Variants in PRSS55 observed in about 807,000 individuals in gnomAD.
The protein encoded by PRSS55 is probable serine protease UNQ9391/PRO34284.
PRSS55 carries 41 observed loss-of-function variants against 23.6 expected under a neutral mutation model. The observed-to-expected ratio is 1.74, with a 90% confidence interval of 1.35 to 2.26. The LOEUF (loss-of-function observed/expected upper bound fraction) is 2.26. Among genes scored for constraint, PRSS55 ranks in the 30% most tolerant of loss-of-function variants. The probability of loss-of-function intolerance (pLI) is 0.00; values close to 1 mark genes in which losing one functional copy is unlikely to be tolerated. For missense variants in PRSS55, 669 were observed against 439.1 expected (o/e 1.52, Z -4.68); for synonymous variants, 262 against 175.5 (o/e 1.49, Z -3.90).
intron 3 of PRSS55, among the ~76,000 whole-genome samples, chr8:10,532,128 C>G (rs570434820): frequency 6.6e-6 from 1 of 152,138 alleles, no homozygotes. Flanking sequence ...CAAAGCATTG[C>G]GTCAGCCTGA....
chr8:10,542,422 A>AGG, downstream of PRSS55, among the ~76,000 whole-genome samples: 1 of 150,226 alleles, frequency 6.7e-6, no homozygotes, highest in African/African-American at 2.5e-5. Context: ...TGCGGGGGAA[A>AGG]AAAAAAAAAA....
At chr8:10,543,534 C>A (rs1166796950), downstream of PRSS55, among the ~76,000 whole-genome samples, 2 of 149,222 alleles carry the variant, frequency 1.3e-5, no homozygotes, top group Non-Finnish European at 3.0e-5. Context: ...AGTGCAGCGG[C>A]ACCATTTTGT....
At chr8:10,543,616 A>C (rs1177566040), downstream of PRSS55, among the ~76,000 whole-genome samples, 1 of 149,630 alleles carries the variant, frequency 6.7e-6, no homozygotes, top group African/African-American at 2.5e-5. Context: ...CTCTGTTCTA[A>C]TTTTTACTTT....
chr8:10,531,302 G>A lies in PRSS55; in HGVS notation c.355G>A (p.Glu119Lys), dbSNP rs932558746. 1 of 1,613,970 alleles carries A rather than the reference G, an allele frequency of 6.2e-7. No homozygotes were observed. The highest frequency in any genetic ancestry group is 2.2e-5 in the East Asian group (1 of 44,872). ...CTGGTTCTCTGCCACCAGTCCAGAAGAACTGAGTGTCGTGCTGGGGACCAA... is the reference window on the plus strand; with the variant it reads ...CTGGTTCTCTGCCACCAGTCCAGAAAAACTGAGTGTCGTGCTGGGGACCAA... ...CLYSEELFPE[E>K]LSVVLGTNDL... Residue 119 changes from glutamate to lysine, a missense_variant, in exon 3 of 5, where the codon GAA (glutamate) becomes AAA (lysine). Transcript: ENST00000328655.
chr8:10,532,868 C>T, intron 3 of PRSS55, 38 bp from the exon 4 acceptor site: 1 of 1,612,912 alleles, frequency 6.2e-7, no homozygotes. Context: ...GGACATGAGG[C>T]CCAGTGGCTT....
At chr8:10,532,804 TG>T in intron 3 of PRSS55, 101 bp from the exon 4 acceptor site, 1 of 1,431,726 alleles carries the variant, frequency 7.0e-7, no homozygotes, top group Admixed American at 1.9e-5. Context: ...AGGAAGGGGA[TG>T]GGGGCTGGGG....
At chr8:10,543,482 T>C (rs1323090599), downstream of PRSS55, among the ~76,000 whole-genome samples, 12 of 22,156 alleles carry the variant, frequency 5.4e-4, no homozygotes, top group South Asian at 9.3e-3. Flanking sequence ...CTTTCTCTCT[T>C]TTTTTTTTTT....
rs759945447 is a variant in PRSS55 at position 10,525,639 on chromosome 8, C to T, written c.54C>T (p.Leu18=). 30 of 1,614,128 alleles carry T rather than the reference C, an allele frequency of 1.9e-5. No homozygotes were observed. Among genetic ancestry groups the T allele is most frequent in the African/African-American group, 6.7e-5 (5 of 75,050 alleles). The change falls in exon 1 of 5, where the codon CTC becomes CTT. Residue 18 remains leucine, a synonymous_variant. Transcript: ENST00000328655. ...TGTCCCTGGTCACGGGAACTCAGCT[C>T]GGTCCACGGACTCCTCTCCCAGAGG... ...LLLSLVTGTQ[L]GPRTPLPEAG...
downstream of PRSS55, among the ~76,000 whole-genome samples, chr8:10,539,073 A>C (rs568086500): frequency 9.2e-5 from 14 of 151,992 alleles, no homozygotes; most frequent in African/African-American, 2.2e-4. Flanking sequence ...AAAAGCCAAC[A>C]AACAAATATC....
At position 10,538,489 on chromosome 8, in the gene PRSS55, G is replaced by A. The variant is rs758514798; in HGVS notation, c.755G>A (p.Gly252Glu). The A allele has an allele frequency of 2.0e-5, 32 of 1,612,608 alleles. No homozygotes were observed. Among genetic ancestry groups the A allele is most frequent in the South Asian group, 2.0e-4 (18 of 90,936 alleles). ...SYDACKGDSG[G>E]PLVCTPEPGE... ...CTCTGCCCACAGGGTGACAGTGGGG[G>A]GCCTCTGGTCTGCACCCCAGAGCCT... The change falls in exon 5 of 5, where the codon GGG becomes GAG. Residue 252 changes from glycine (G) to glutamate (E), a missense_variant. By Grantham distance (98) the Gly-to-Glu change is moderately conservative. Coordinates refer to ENST00000328655, the MANE Select transcript of PRSS55 (RefSeq NM_198464.4).
At chr8:10,533,530 T>A (rs1812346831) in intron 4 of PRSS55, among the ~76,000 whole-genome samples, 1 of 152,200 alleles carries the variant, frequency 6.6e-6, no homozygotes, top group Non-Finnish European at 1.5e-5. Flanking sequence ...GCATGTGGGT[T>A]TCACTGAACC....
chr8:10,533,568 A>G (rs1380974869), intron 4 of PRSS55, among the ~76,000 whole-genome samples: 1 of 152,188 alleles, frequency 6.6e-6, no homozygotes. Context: ...CCTCTCTTTA[A>G]TAAAATGAAT....
chr8:10,535,217 T>A (rs1366097278), intron 4 of PRSS55, among the ~76,000 whole-genome samples: 1 of 152,304 alleles, frequency 6.6e-6, no homozygotes, highest in Middle Eastern at 3.4e-3. Context: ...AAAAAAATTA[T>A]TTTAAAATTC....
chr8:10,529,422 G>T, intron 1 of PRSS55, 85 bp from the exon 2 acceptor site: 1 of 1,376,642 alleles, frequency 7.3e-7, no homozygotes, highest in African/African-American at 1.4e-5. Flanking sequence ...TTGGAAGCCT[G>T]CTCCTCCCAG....
At chr8:10,527,160 C>T (rs778965701) in intron 1 of PRSS55, among the ~76,000 whole-genome samples, 21 of 152,196 alleles carry the variant, frequency 1.4e-4, no homozygotes, top group Non-Finnish European at 2.8e-4. Flanking sequence ...AATTTTATGT[C>T]ACAAACATTT....
intron 1 of PRSS55, among the ~76,000 whole-genome samples, chr8:10,528,875 G>A (rs985471510): frequency 1.3e-5 from 2 of 152,242 alleles, no homozygotes; most frequent in African/African-American, 4.8e-5. Context: ...AACTTCTCTG[G>A]GCCCCTGCCT....
At chr8:10,529,398 A>T in intron 1 of PRSS55, 109 bp from the exon 2 acceptor site, 1 of 1,088,222 alleles carries the variant, frequency 9.2e-7, no homozygotes, top group Non-Finnish European at 1.4e-6. Flanking sequence ...TAGAATGGGG[A>T]TGAGGATATC....
chr8:10,533,861 T>G (rs1196310594), intron 4 of PRSS55, among the ~76,000 whole-genome samples: 3 of 152,152 alleles, frequency 2.0e-5, no homozygotes, highest in Non-Finnish European at 4.4e-5. Context: ...AAGAAAGATA[T>G]TTATCTATCT....
In PRSS55 at chr8:10,525,744, G is replaced by A. The variant is rs1351298046; in HGVS notation, c.154+5G>A. ...ATCCCCCCAGCCCAGTCAGTGGTGA[G>A]TACAGGGGCAGAAGGGGCATGGATG... is the stretch of plus-strand genomic sequence containing the variant. On this transcript the variant is annotated splice_donor_5th_base_variant and intron_variant, in intron 1 of 4. Coordinates refer to ENST00000328655, the MANE Select transcript of PRSS55 (RefSeq NM_198464.4). 2 of 1,594,916 alleles carry A rather than the reference G, an allele frequency of 1.3e-6. No homozygotes were observed. Among genetic ancestry groups the A allele is most frequent in the Non-Finnish European group, 1.7e-6 (2 of 1,169,722 alleles).
Sources: allele counts gnomAD v4.1 joint callset (sites outside exome capture counted in the v4.1 genomes callset), GRCh38; gene constraint gnomAD v4.1.1; transcripts MANE v1.5; gene names NCBI Gene and HGNC (gene_info 2026-07-23, HGNC 2026-07-21).